The following ADAR variants were observed in gnomAD, a reference collection of about 807,000 sequenced individuals.
The protein encoded by ADAR is double-stranded RNA-specific adenosine deaminase.
ADAR carries 41 observed loss-of-function variants against 113.2 expected under a neutral mutation model. That is an observed-to-expected ratio of 0.36 (90% CI 0.28 to 0.47). The LOEUF is 0.47. Among genes scored for constraint, ADAR ranks in the 20% least tolerant of loss-of-function variants. The probability of loss-of-function intolerance (pLI) is 1.00; values close to 1 mark genes in which losing one functional copy is unlikely to be tolerated. For missense variants in ADAR, 1,242 were observed against 1,540.9 expected (o/e 0.81, Z 3.25); for synonymous variants, 605 against 572.6 (o/e 1.06, Z -0.81).
In ADAR at chr1:154,602,429, G is replaced by C. The variant is rs765015055; in HGVS notation, c.213C>G (p.Leu71=). 20 of 1,610,332 alleles carry C rather than the reference G, an allele frequency of 1.2e-5. No homozygotes were observed. The Admixed American group carries it at 2.5e-4, about 20-fold the overall frequency. The part of the protein sequence containing the change: ...TPSLPPSLPG[L]RPRFPVLLAS... ...CAAGTAGTACTGGAAACCTTGGCCG[G>C]AGTCCTGGGAGGGAAGGTGGCAGTG... The change falls in exon 2 of 15, where the codon CTC becomes CTG. Residue 71 remains leucine (L), a synonymous_variant. Coordinates refer to ENST00000368474, the MANE Select transcript of ADAR (RefSeq NM_001111.5).
In ADAR at chr1:154,590,242, GC is replaced by G; in HGVS notation, c.2437del (p.Ala813ProfsTer32). 1 of 1,613,402 alleles carries G rather than the reference GC, an allele frequency of 6.2e-7. No individual in the cohort carries two copies. Among genetic ancestry groups the G allele is most frequent in the Non-Finnish European group, 8.5e-7 (1 of 1,179,958 alleles). On this transcript the variant is annotated frameshift_variant, in exon 7 of 15. Transcript: ENST00000368474. LOFTEE classifies it high-confidence loss of function. ...GAGGAGCATAGTTCTTCTGAGACTGGCCCCTGTCACTGGGGTTACCTCTGTG... is the reference window on the plus strand; with the variant it reads ...GAGGAGCATAGTTCTTCTGAGACTGGCCCTGTCACTGGGGTTACCTCTGTG... ...GFTEVTPVTG[A>X]SLRRTMLLLS...
At position 154,595,988 on chromosome 1, in the gene ADAR, CTACAGT is replaced by C. The variant is rs1446252360; in HGVS notation, c.2270+811_2270+816del. Among the ~76,000 whole-genome samples, 4 of 152,332 alleles carry C rather than the reference CTACAGT, an allele frequency of 2.6e-5. No homozygotes were observed. In the East Asian group the frequency reaches 7.7e-4, roughly 29 times the overall value. ...GTGTTGCAGCTGCCCACAGTATTCA[CTACAGT>C]TACATGCTGTACAGGTTTGTAGCCT... On this transcript the variant is annotated intron_variant, in intron 6 of 14. Coordinates refer to ENST00000368474, the MANE Select transcript of ADAR (RefSeq NM_001111.5).
At chr1:154,590,138 A>AGGGGGGGGGGGG in intron 7 of ADAR, 46 bp downstream of exon 7, 6 of 1,173,740 alleles carry the variant, frequency 5.1e-6, no homozygotes, top group East Asian at 5.1e-5. Context: ...AGGAGTTAGG[A>AGGGGGGGGGGGG]GGACCCCCCC....
intron 2 of ADAR, among the ~76,000 whole-genome samples, chr1:154,599,912 G>A (rs891977022): frequency 1.4e-4 from 21 of 152,186 alleles, no homozygotes; most frequent in African/African-American, 5.1e-4. Context: ...GCAGGCAGCC[G>A]TGCACACGCT....
At position 154,588,113 on chromosome 1, in the gene ADAR, T is replaced by C. The variant is rs1272636666; in HGVS notation, c.3019+12A>G. 3.7e-6 allele frequency: 6 copies of C among 1,613,322 alleles called. No homozygotes were observed. Among genetic ancestry groups the C allele is most frequent in the Admixed American group, 1.7e-5 (1 of 60,014 alleles). Reference sequence around the variant, plus strand: ...CTTTTGAGGAAAGGAGGCGGGGGCATGTATCACTCACCGTTCTCCACCTTG... The same window carrying C: ...CTTTTGAGGAAAGGAGGCGGGGGCACGTATCACTCACCGTTCTCCACCTTG... On this transcript the variant is annotated intron_variant, in intron 11 of 14. Transcript: ENST00000368474.
In ADAR at chr1:154,584,848, G is replaced by A. The variant is rs1696640287; in HGVS notation, c.3639C>T (p.Ser1213=). 3 of 1,614,018 alleles carry A rather than the reference G, an allele frequency of 1.9e-6. No homozygotes were observed. The highest frequency in any genetic ancestry group is 2.2e-5 in the South Asian group (2 of 91,082). ...LKDMGYGNWI[S]KPQEEKNFYL... ...AAAAGTTCTTTTCCTCCTGGGGTTT[G>A]CTAATCCAGTTCCCATAGCCCATAT... Residue 1213 remains serine, a synonymous_variant, in exon 15 of 15, where the codon AGC becomes AGT. Transcript: ENST00000368474.
Position 154,596,860 on chromosome 1 carries a change from C to T in ADAR, c.2215G>A (p.Gly739Ser), listed in dbSNP as rs1023070951. ...GGLLEYARSH[G>S]FAAEFKLVDQ... ...ACCAACTTGAATTCAGCAGCAAAGC[C>T]ATGGGAGCGGGCGTACTCCAAAAGG... The change falls in exon 6 of 15, where the codon GGC becomes AGC. Residue 739 changes from glycine (G) to serine (S), a missense_variant. By Grantham distance (56) the Gly-to-Ser change is moderately conservative. Coordinates refer to ENST00000368474, the MANE Select transcript of ADAR (RefSeq NM_001111.5). 2 of 1,613,984 alleles carry T rather than the reference C, an allele frequency of 1.2e-6. No individual in the cohort carries two copies. Among genetic ancestry groups the T allele is most frequent in the East Asian group, 2.2e-5 (1 of 44,898 alleles).
At chr1:154,596,314 C>G (rs1360513422) in intron 6 of ADAR, among the ~76,000 whole-genome samples, 1 of 151,756 alleles carries the variant, frequency 6.6e-6, no homozygotes, top group Non-Finnish European at 1.5e-5. Flanking sequence ...GCGATCTCAG[C>G]TCACTGCAAC....
intron 1 of ADAR, among the ~76,000 whole-genome samples, chr1:154,603,984 T>A (rs1014376154): frequency 6.6e-6 from 1 of 152,128 alleles, no homozygotes; most frequent in African/African-American, 2.4e-5. Flanking sequence ...CATCCCTACC[T>A]TTCTGCCACA....
In ADAR at chr1:154,589,823, T is replaced by G. The variant is rs1697009468; in HGVS notation, c.2602A>C (p.Ile868Leu). 6.2e-7 allele frequency: 1 copy of G among 1,613,852 alleles called. No individual in the cohort carries two copies. The highest frequency in any genetic ancestry group is 1.7e-5 in the Admixed American group (1 of 59,984). Residue 868 changes from isoleucine to leucine, a missense_variant, in exon 8 of 15, where the codon ATT becomes CTT. This residue lies in a region of ADAR where 780 missense variants were observed against 1,057.9 expected (regional missense o/e 0.74). Transcript: ENST00000368474. ...SFQPSLLGRK[I>L]LAAIIMKKDS... The stretch of plus-strand genomic sequence containing the variant: ...TTTTTCATAATGATGGCGGCCAGAA[T>G]CTTGCGGCCGAGCAAGGAGGGCTGG...
intron 1 of ADAR, among the ~76,000 whole-genome samples, chr1:154,606,737 G>A (rs900639991): frequency 6.6e-6 from 1 of 152,078 alleles, no homozygotes; most frequent in African/African-American, 2.4e-5. Context: ...TCACCTCTAT[G>A]CAAATTACAT....
intron 6 of ADAR, among the ~76,000 whole-genome samples, chr1:154,593,085 A>G (rs1697254702): frequency 7.4e-6 from 1 of 134,428 alleles, no homozygotes; most frequent in South Asian, 2.5e-4. Context: ...CAGTGAGCTG[A>G]GACTGCGCCA....
chr1:154,606,062 T>C (rs1225017223), intron 1 of ADAR: 1 of 538,344 alleles, frequency 1.9e-6, no homozygotes, highest in Non-Finnish European at 2.4e-6. Flanking sequence ...TGGAGTGCAG[T>C]GGCATGATCT....
At chr1:154,612,428 C>T (rs562846491), upstream of ADAR, among the ~76,000 whole-genome samples, 2 of 144,232 alleles carry the variant, frequency 1.4e-5, no homozygotes, top group East Asian at 4.6e-4. Context: ...CCTGGGTTCA[C>T]GCCATTCTCC....
intron 1 of ADAR, among the ~76,000 whole-genome samples, chr1:154,624,568 G>A (rs1414487960): frequency 6.6e-6 from 1 of 152,106 alleles, no homozygotes; most frequent in Non-Finnish European, 1.5e-5. Context: ...AAAATACCAG[G>A]AATATCATCT....
chr1:154,601,674 C>T lies in ADAR; in HGVS notation c.968G>A (p.Gly323Asp). Reference protein sequence around the residue: ...SSALNLAKNIGLTKARDINAV... With the variant: ...SSALNLAKNIDLTKARDINAV... ...ATTTATATCTCGGGCCTTGGTAAGG[C>T]CAATATTTTTAGCCAAATTCAGGGC... Residue 323 changes from glycine (G) to aspartate (D), a missense_variant, in exon 2 of 15, where the codon GGC (glycine) becomes GAC (aspartate). Gly to Asp is a moderately conservative substitution (Grantham distance 94). Coordinates refer to ENST00000368474, the MANE Select transcript of ADAR (RefSeq NM_001111.5). The surrounding 1 kb of genome is among the most constrained non-coding windows in gnomAD (Gnocchi z 4.7). 6.2e-7 allele frequency: 1 copy of T among 1,614,134 alleles called. No individual in the cohort carries two copies. Among genetic ancestry groups the T allele is most frequent in the Admixed American group, 1.7e-5 (1 of 60,026 alleles).
intron 2 of ADAR, chr1:154,600,123 G>C (rs545459876): frequency 8.5e-5 from 13 of 152,408 alleles, no homozygotes; most frequent in African/African-American, 2.9e-4. Flanking sequence ...TAGGAGGCAG[G>C]CATGATATTG....
At chr1:154,604,748 C>T (rs948197505) in intron 1 of ADAR, among the ~76,000 whole-genome samples, 1 of 152,112 alleles carries the variant, frequency 6.6e-6, no homozygotes, top group Admixed American at 6.5e-5. Context: ...TAATCAGTCT[C>T]CAAGGTTTTA....
intron 1 of ADAR, among the ~76,000 whole-genome samples, chr1:154,606,519 G>A (rs1411607960): frequency 6.6e-6 from 1 of 152,102 alleles, no homozygotes; most frequent in Non-Finnish European, 1.5e-5. Context: ...TGAACACAGA[G>A]AAAAGAAAGG....
Sources: allele counts gnomAD v4.1 joint callset (sites outside exome capture counted in the v4.1 genomes callset), GRCh38; gene constraint gnomAD v4.1.1; regional missense constraint gnomAD v4.1.1; non-coding constraint Gnocchi (gnomAD v3.1); transcripts MANE v1.5; gene names NCBI Gene and HGNC (gene_info 2026-07-23, HGNC 2026-07-21).